The following LYPD6 variants were observed in gnomAD, a reference collection of about 807,000 sequenced individuals.
LYPD6 encodes ly6/PLAUR domain-containing protein 6.
In LYPD6, 15 loss-of-function variants were observed where a neutral mutation model predicts 22.7. The ratio of observed to expected loss-of-function variants is 0.66; its 90% CI spans 0.44 to 1.02. The LOEUF (loss-of-function observed/expected upper bound fraction) is 1.02. LYPD6 is among the 50% of genes least tolerant of loss of function. The pLI is 0.00. For missense variants in LYPD6, 189 were observed against 208.4 expected (o/e 0.91, Z 0.57); for synonymous variants, 72 against 77.5 (o/e 0.93, Z 0.37).
rs1681349967 is a variant in LYPD6 at position 149,472,123 on chromosome 2, G to T, written c.*1273G>T. ...TTTAAACAGTATTTATTTTTGTAAG[G>T]CATAACTAGAAACTAAAATATATTC... On this transcript the variant is annotated 3_prime_UTR_variant, in exon 5 of 5. Transcript: ENST00000334166. 6.6e-6 allele frequency: 1 copy of T among 151,814 alleles called. No homozygotes were observed. The highest frequency in any genetic ancestry group is 6.6e-5 in the Admixed American group (1 of 15,232). 9.4% of individuals were successfully genotyped at this position (151,814 alleles called of 1,614,324 possible).
chr2:149,428,674 G>A (rs1038670404), intron 1 of LYPD6, among the ~76,000 whole-genome samples: 1 of 152,218 alleles, frequency 6.6e-6, no homozygotes, highest in Non-Finnish European at 1.5e-5. Flanking sequence ...ATGTAAGAAT[G>A]TGAAACTCTT....
chr2:149,466,649 A>G (rs1245560679), intron 3 of LYPD6, among the ~76,000 whole-genome samples: 1 of 152,214 alleles, frequency 6.6e-6, no homozygotes, highest in Non-Finnish European at 1.5e-5. Flanking sequence ...AGTATGAACA[A>G]AGAAGTAGTC....
At chr2:149,357,949 C>A (rs1469952205) in intron 1 of LYPD6, among the ~76,000 whole-genome samples, 1 of 152,034 alleles carries the variant, frequency 6.6e-6, no homozygotes, top group Non-Finnish European at 1.5e-5. Flanking sequence ...CCATGCCTGG[C>A]TAATTCTTGG....
intron 3 of LYPD6, among the ~76,000 whole-genome samples, chr2:149,458,511 A>G (rs1681017390): frequency 6.6e-6 from 1 of 152,204 alleles, no homozygotes; most frequent in African/African-American, 2.4e-5. Context: ...GTGTCCTAAC[A>G]TAATAACAAT....
intron 1 of LYPD6, among the ~76,000 whole-genome samples, chr2:149,423,010 A>G (rs1344734750): frequency 6.6e-6 from 1 of 151,926 alleles, no homozygotes; most frequent in Non-Finnish European, 1.5e-5. Flanking sequence ...TACTTATTTG[A>G]TTATTGGAAT....
chr2:149,349,328 C>T lies in LYPD6; in HGVS notation c.-72+18606C>T, dbSNP rs1466783270. ...CAGTTGTGTGCTCCATTATTATTTG[C>T]TGTAGGTACAGAGAGAAGTAGGAAT... On this transcript the variant is annotated intron_variant, in intron 1 of 4. Coordinates refer to ENST00000334166, the MANE Select transcript of LYPD6 (RefSeq NM_194317.5). Among the ~76,000 whole-genome samples the T allele has an allele frequency of 2.0e-5, 3 of 152,130 alleles. No individual in the cohort carries two copies. The East Asian group carries it at 5.8e-4, about 29-fold the overall frequency.
At chr2:149,469,760 G>A (rs1681288597) in intron 4 of LYPD6, among the ~76,000 whole-genome samples, 1 of 152,166 alleles carries the variant, frequency 6.6e-6, no homozygotes, top group African/African-American at 2.4e-5. Flanking sequence ...TTAAGGATTA[G>A]AGAAATTGGG....
intron 1 of LYPD6, among the ~76,000 whole-genome samples, chr2:149,346,573 A>G (rs181210194): frequency 6.6e-6 from 1 of 152,294 alleles, no homozygotes; most frequent in African/African-American, 2.4e-5. Flanking sequence ...AAAAGAACTT[A>G]GTTTGCATTT....
intron 1 of LYPD6, among the ~76,000 whole-genome samples, chr2:149,343,152 A>G (rs1681193194): frequency 6.6e-6 from 1 of 152,172 alleles, no homozygotes; most frequent in Non-Finnish European, 1.5e-5. Context: ...TAGAGAAGCA[A>G]GCAGACTCAT....
At chr2:149,333,957 A>G (rs1038593217) in intron 1 of LYPD6, among the ~76,000 whole-genome samples, 34 of 152,212 alleles carry the variant, frequency 2.2e-4, no homozygotes, top group African/African-American at 8.0e-4. Context: ...CAATGCTGAT[A>G]TGTTAGGGAA....
chr2:149,470,852 G>A lies in LYPD6; in HGVS notation c.*2G>A. The A allele has an allele frequency of 2.5e-6, 4 of 1,609,682 alleles. No individual in the cohort carries two copies. The highest frequency in any genetic ancestry group is 3.4e-6 in the Non-Finnish European group (4 of 1,176,752). Reference sequence around the variant, plus strand: ...TTGTGGTTAGGGCTCATGTTATAGTGGCTCAGTGGCTCCATGTGTTAATAG... The same window carrying A: ...TTGTGGTTAGGGCTCATGTTATAGTAGCTCAGTGGCTCCATGTGTTAATAG... On this transcript the variant is annotated 3_prime_UTR_variant, in exon 5 of 5. Coordinates refer to ENST00000334166, the MANE Select transcript of LYPD6 (RefSeq NM_194317.5).
chr2:149,412,079 A>G (rs1484647672), intron 1 of LYPD6, among the ~76,000 whole-genome samples: 1 of 152,148 alleles, frequency 6.6e-6, no homozygotes, highest in Non-Finnish European at 1.5e-5. Flanking sequence ...ATCTTGACAC[A>G]CTTTTGAAAT....
intron 1 of LYPD6, among the ~76,000 whole-genome samples, chr2:149,348,691 C>T (rs1213742238): frequency 6.6e-6 from 1 of 152,250 alleles, no homozygotes; most frequent in African/African-American, 2.4e-5. Context: ...CCCCCACTCT[C>T]TTCCTTCCTT....
intron 1 of LYPD6, among the ~76,000 whole-genome samples, chr2:149,392,218 C>T (rs879510136): frequency 6.6e-6 from 1 of 152,126 alleles, no homozygotes; most frequent in Admixed American, 6.6e-5. Flanking sequence ...CTAATCACCT[C>T]CCAAAGGCAC....
intron 1 of LYPD6, among the ~76,000 whole-genome samples, chr2:149,430,044 A>T (rs902730031): frequency 2.4e-4 from 37 of 152,182 alleles, no homozygotes; most frequent in African/African-American, 8.2e-4. Context: ...AGTCAAAATG[A>T]CAAGATGTAG....
At chr2:149,460,180 A>T (rs1054815520) in intron 3 of LYPD6, among the ~76,000 whole-genome samples, 1 of 152,212 alleles carries the variant, frequency 6.6e-6, no homozygotes, top group Non-Finnish European at 1.5e-5. Context: ...GTCTTACCAT[A>T]TCAATAACTA....
chr2:149,480,895 G>A, the LYPD6 span, among the ~76,000 whole-genome samples: 20 of 152,268 alleles, frequency 1.3e-4, 1 homozygote, highest in East Asian at 2.3e-3. Context: ...ACCTACCTCA[G>A]ACACCTTTGA....
chr2:149,383,504 A>G (rs949580289), intron 1 of LYPD6, among the ~76,000 whole-genome samples: 1 of 152,170 alleles, frequency 6.6e-6, no homozygotes, highest in Non-Finnish European at 1.5e-5. Flanking sequence ...TGCCACATGT[A>G]CAGTCCAAAG....
rs189613169 is a variant in LYPD6 at position 149,455,443 on chromosome 2, A to T, written c.217+6296A>T. Among the ~76,000 whole-genome samples, 361 of 152,082 alleles carry T rather than the reference A, an allele frequency of 2.4e-3. 1 individual carries two copies. The highest frequency in any genetic ancestry group is 3.7e-3 in the Non-Finnish European group (252 of 68,000). Reference sequence around the variant, plus strand: ...CCAACTAATTTTGTGTATTTTTAGTAGAGACAGTATTTCACCATGTTAGCC... The same window carrying T: ...CCAACTAATTTTGTGTATTTTTAGTTGAGACAGTATTTCACCATGTTAGCC... On this transcript the variant is annotated intron_variant, in intron 3 of 4. Coordinates refer to ENST00000334166, the MANE Select transcript of LYPD6 (RefSeq NM_194317.5).
Sources: allele counts gnomAD v4.1 joint callset (sites outside exome capture counted in the v4.1 genomes callset), GRCh38; gene constraint gnomAD v4.1.1; transcripts MANE v1.5; gene names NCBI Gene and HGNC (gene_info 2026-07-23, HGNC 2026-07-21).